Variants in DAB2IP observed in about 807,000 individuals in gnomAD.
DAB2IP encodes disabled homolog 2-interacting protein.
A neutral mutation model predicts 107.2 loss-of-function variants in DAB2IP; 28 were observed. The ratio of observed to expected loss-of-function variants is 0.26; its 90% CI spans 0.19 to 0.36. The LOEUF (loss-of-function observed/expected upper bound fraction) is 0.36. DAB2IP is among the 10% of genes least tolerant of loss of function. DAB2IP has a pLI of 1.00. For synonymous variants in DAB2IP, 755 were observed against 706.4 expected, an observed-to-expected ratio of 1.07 and a Z score of -1.09; for missense variants, 1,400 against 1,644.7, an observed-to-expected ratio of 0.85 and a Z score of 2.57.
intron 2 of DAB2IP, among the ~76,000 whole-genome samples, chr9:121,685,808 A>T (rs1828849640): frequency 6.6e-6 from 1 of 152,250 alleles, no homozygotes; most frequent in Admixed American, 6.5e-5. Flanking sequence ...ATTTCCAGGC[A>T]GGTGAAGGGG....
intron 1 of DAB2IP, among the ~76,000 whole-genome samples, chr9:121,663,492 A>T (rs1348840868): frequency 6.6e-6 from 1 of 152,106 alleles, no homozygotes; most frequent in African/African-American, 2.4e-5. Context: ...GGTGGGCTGG[A>T]TGCTGAGCCC....
intron 2 of DAB2IP, among the ~76,000 whole-genome samples, chr9:121,682,248 C>G (rs911696346): frequency 6.6e-6 from 1 of 152,196 alleles, no homozygotes; most frequent in Non-Finnish European, 1.5e-5. Context: ...CTCGAGGGAA[C>G]CCAGGAAACA....
chr9:121,682,987 C>T (rs1223907106), intron 2 of DAB2IP, among the ~76,000 whole-genome samples: 1 of 152,074 alleles, frequency 6.6e-6, no homozygotes, highest in Non-Finnish European at 1.5e-5. Context: ...GAGTAGATGA[C>T]CAGAGAGGCT....
At chr9:121,653,616 C>G (rs1202547418) in intron 1 of DAB2IP, among the ~76,000 whole-genome samples, 1 of 152,160 alleles carries the variant, frequency 6.6e-6, no homozygotes, top group Non-Finnish European at 1.5e-5. Context: ...CTTCTGCACC[C>G]ACCTCACGTC....
rs555085960 is a variant in DAB2IP at position 121,770,200 on chromosome 9, G to C, written c.1900-346G>C. ...AGAGGGGCTGTCACAGAAGCCTCTG[G>C]ATGGAGAGGTGGAGGTGTGGAAATG... is the stretch of plus-strand genomic sequence containing the variant. On this transcript the variant is annotated intron_variant, in intron 10 of 15. Coordinates refer to ENST00000408936, the Ensembl canonical transcript of DAB2IP. Among the ~76,000 whole-genome samples the C allele has an allele frequency of 2.0e-5, 3 of 152,336 alleles. No individual in the cohort carries two copies. In the South Asian group the frequency reaches 6.2e-4, roughly 32 times the overall value.
At chr9:121,625,450 C>G (rs1274465929) in intron 1 of DAB2IP, among the ~76,000 whole-genome samples, 2 of 151,606 alleles carry the variant, frequency 1.3e-5, no homozygotes, top group African/African-American at 4.8e-5. Flanking sequence ...TTAGTAGAGA[C>G]AGGATTTTGC....
intron 1 of DAB2IP, among the ~76,000 whole-genome samples, chr9:121,666,963 C>T (rs922821513): frequency 9.9e-5 from 15 of 151,338 alleles, no homozygotes; most frequent in Admixed American, 5.9e-4. Flanking sequence ...GACAGCTCTT[C>T]GTCTGGAAAG....
intron 3 of DAB2IP, among the ~76,000 whole-genome samples, chr9:121,733,859 G>A (rs1053895818): frequency 6.6e-6 from 1 of 152,180 alleles, no homozygotes; most frequent in Non-Finnish European, 1.5e-5. Context: ...AAAAGGAGGC[G>A]GGCTTTGTGA....
chr9:121,717,155 G>A (rs1830649680), intron 3 of DAB2IP, among the ~76,000 whole-genome samples: 2 of 152,194 alleles, frequency 1.3e-5, no homozygotes, highest in African/African-American at 4.8e-5. Flanking sequence ...ATGCTATGCA[G>A]TCCTCATGGT....
chr9:121,577,045 C>T (rs139557274), intron 1 of DAB2IP, among the ~76,000 whole-genome samples: 2 of 152,350 alleles, frequency 1.3e-5, no homozygotes, highest in East Asian at 3.9e-4. Flanking sequence ...GACCATTACT[C>T]GCCTCTGGTC....
In DAB2IP at chr9:121,701,074, C is replaced by T. The variant is rs1032558999; in HGVS notation, c.362+1616C>T. 3.3e-5 allele frequency among the ~76,000 whole-genome samples: 5 copies of T among 152,254 alleles called. No individual in the cohort carries two copies. Among genetic ancestry groups the T allele is most frequent in the Non-Finnish European group, 5.9e-5 (4 of 68,042 alleles). On this transcript the variant is annotated intron_variant, in intron 3 of 15. Transcript: ENST00000408936. This position sits in a 1 kb window ranked among gnomAD's most constrained non-coding sequence, Gnocchi z 4.7. ...ATGCCCTTCTCCGCGCTTTCCTTGG[C>T]GGGGGTCAGGACCCTCTGCACCCGC...
At chr9:121,678,240 G>A (rs1235242908) in intron 1 of DAB2IP, among the ~76,000 whole-genome samples, 1 of 152,164 alleles carries the variant, frequency 6.6e-6, no homozygotes, top group Non-Finnish European at 1.5e-5. Context: ...ATATAAATGG[G>A]ATCATACAAA....
chr9:121,704,705 C>T (rs768432556), intron 3 of DAB2IP, among the ~76,000 whole-genome samples: 1 of 152,222 alleles, frequency 6.6e-6, no homozygotes, highest in Admixed American at 6.5e-5. Context: ...ACCTTCCTCC[C>T]GTCCTCTCCT....
chr9:121,703,369 C>T lies in DAB2IP; in HGVS notation c.362+3911C>T, dbSNP rs574704456. Among the ~76,000 whole-genome samples the T allele has an allele frequency of 4.3e-4, 65 of 152,302 alleles. No individual in the cohort carries two copies. The Middle Eastern group carries it at 0.014, about 32-fold the overall frequency. ...TTTCTTGCCCTTGTTCCCTCCCCTACTATAGACAGGGAGGGCCTGGTCCTT... is the reference window on the plus strand; with the variant it reads ...TTTCTTGCCCTTGTTCCCTCCCCTATTATAGACAGGGAGGGCCTGGTCCTT... On this transcript the variant is annotated intron_variant, in intron 3 of 15. Coordinates refer to ENST00000408936, the Ensembl canonical transcript of DAB2IP.
chr9:121,756,892 A>G (rs867300032), intron 3 of DAB2IP, 121 bp from the exon 4 acceptor site: 242 of 1,312,226 alleles, frequency 1.8e-4, no homozygotes, highest in Middle Eastern at 1.0e-3. Flanking sequence ...CAGAAAGGAG[A>G]GAGAGTGGAG....
chr9:121,758,207 C>A (rs1289805205), intron 4 of DAB2IP, among the ~76,000 whole-genome samples: 1 of 152,180 alleles, frequency 6.6e-6, no homozygotes, highest in African/African-American at 2.4e-5. Context: ...TGGAAACACA[C>A]AGCAGGAATT....
At chr9:121,767,076 C>T (rs911661640) in intron 9 of DAB2IP, among the ~76,000 whole-genome samples, 1 of 152,188 alleles carries the variant, frequency 6.6e-6, no homozygotes, top group African/African-American at 2.4e-5. Flanking sequence ...GACTAATATT[C>T]CTCCAAGGGG....
intron 2 of DAB2IP, among the ~76,000 whole-genome samples, chr9:121,691,711 C>T (rs1303878363): frequency 6.6e-6 from 1 of 152,138 alleles, no homozygotes; most frequent in African/African-American, 2.4e-5. Context: ...CCCAAGGCCC[C>T]AGAGCCATTA....
chr9:121,739,667 C>T (rs137984659), intron 3 of DAB2IP, among the ~76,000 whole-genome samples: 1,874 of 152,250 alleles, frequency 0.012, 41 homozygotes, highest in African/African-American at 0.042. Context: ...TGAGGCTCCA[C>T]GCTGGACATT....
Sources: gnomAD v4.1 joint callset for allele counts (sites outside exome capture counted in the v4.1 genomes callset) on GRCh38, gnomAD v4.1.1 for gene constraint, Gnocchi (gnomAD v3.1) non-coding constraint, MANE v1.5 for transcripts, NCBI Gene and HGNC (gene_info 2026-07-23, HGNC 2026-07-21) for gene names.